The following NOTCH2 variants were observed in gnomAD, a reference collection of about 807,000 sequenced individuals.
The protein encoded by NOTCH2 is neurogenic locus notch homolog protein 2.
In NOTCH2, 29 loss-of-function variants were observed where a neutral mutation model predicts 235.8. The ratio of observed to expected loss-of-function variants is 0.12; its 90% CI spans 0.09 to 0.17. The LOEUF (loss-of-function observed/expected upper bound fraction) is 0.17. NOTCH2 is among the 10% of genes least tolerant of loss of function. NOTCH2 has a pLI of 1.00. For synonymous variants in NOTCH2, 1,086 were observed against 1,141.5 expected, an observed-to-expected ratio of 0.95 and a Z score of 0.98; for missense variants, 2,285 against 3,150.2, an observed-to-expected ratio of 0.73 and a Z score of 6.57.
chr1:119,931,366 G>A (rs2101173861), intron 22 of NOTCH2, among the ~76,000 whole-genome samples: 1 of 152,048 alleles, frequency 6.6e-6, no homozygotes, highest in South Asian at 2.1e-4. Flanking sequence ...GACATACCAG[G>A]ATTTGGTTAG....
intron 1 of NOTCH2, among the ~76,000 whole-genome samples, chr1:120,041,893 A>G (rs1654586094): frequency 7.1e-6 from 1 of 141,412 alleles, no homozygotes; most frequent in Non-Finnish European, 1.5e-5. Context: ...AAAAAAAGAA[A>G]AGAGAGAGAG....
intron 4 of NOTCH2, among the ~76,000 whole-genome samples, chr1:119,988,853 G>GCT (rs2101189109): frequency 6.6e-6 from 1 of 152,268 alleles, no homozygotes; most frequent in Non-Finnish European, 1.5e-5. Flanking sequence ...AGCCCTTGTA[G>GCT]CTCAACTATA....
intron 19 of NOTCH2, among the ~76,000 whole-genome samples, chr1:119,939,669 C>CAA (rs1235892356): frequency 6.6e-6 from 1 of 152,130 alleles, no homozygotes; most frequent in Non-Finnish European, 1.5e-5. Flanking sequence ...AGAGGAAGGC[C>CAA]AAATTCACAA....
chr1:119,920,405 G>A lies in NOTCH2; in HGVS notation c.5311-8C>T. The A allele has an allele frequency of 1.2e-6, 2 of 1,614,076 alleles. No individual in the cohort carries two copies. Among genetic ancestry groups the A allele is most frequent in the Non-Finnish European group, 1.7e-6 (2 of 1,180,010 alleles). On this transcript the variant is annotated splice_region_variant and splice_polypyrimidine_tract_variant and intron_variant, in intron 29 of 33. Coordinates refer to ENST00000256646, the MANE Select transcript of NOTCH2 (RefSeq NM_024408.4). ...TAAGGCCTCATCTTCAGCCTGAAAG[G>A]TGAAAACAATGCTCCCTATCAATCT...
chr1:119,935,648 C>G (rs2101182996), intron 21 of NOTCH2, 44 bp from the exon 22 acceptor site: 1 of 1,609,716 alleles, frequency 6.2e-7, no homozygotes, highest in African/African-American at 1.3e-5. Context: ...TGGACCATTA[C>G]TGGAAACAGA....
intron 21 of NOTCH2, 42 bp from the exon 22 acceptor site, chr1:119,935,646 T>G: frequency 6.2e-7 from 1 of 1,610,326 alleles, no homozygotes; most frequent in Non-Finnish European, 8.5e-7. Context: ...ATTGGACCAT[T>G]ACTGGAAACA....
intron 14 of NOTCH2, among the ~76,000 whole-genome samples, chr1:119,951,729 A>G (rs587722160): frequency 6.6e-6 from 1 of 152,364 alleles, no homozygotes; most frequent in African/African-American, 2.4e-5. Context: ...TGCATCTCCA[A>G]TAGGGCCTGG....
Position 119,915,743 on chromosome 1 carries a change from T to C in NOTCH2, c.6979A>G (p.Thr2327Ala), listed in dbSNP as rs587778578. ...GGGCCCGCAACAGCTGGAGGGCAGG[T>C]GGACTGAGGCTGGGGAGCCCCCGCT... is the stretch of plus-strand genomic sequence containing the variant. ...QPAGAPQPQS[T>A]CPPAVAGPLP... Residue 2327 changes from threonine (T) to alanine (A), a missense_variant, in exon 34 of 34, where the codon ACC becomes GCC. Physicochemically the swap from Thr to Ala is moderately conservative, Grantham distance 58. Around this residue, in one of 6 missense-constraint regions of NOTCH2, gnomAD observed 504 missense variants for 538.0 expected, o/e 0.94. Transcript: ENST00000256646. 5.7e-5 allele frequency: 91 copies of C among 1,607,574 alleles called. No individual in the cohort carries two copies. Among genetic ancestry groups the C allele is most frequent in the African/African-American group, 2.7e-5 (2 of 74,798 alleles).
chr1:119,913,988 A>C lies in NOTCH2; in HGVS notation c.*1318T>G, dbSNP rs963576762. On this transcript the variant is annotated 3_prime_UTR_variant, in exon 34 of 34. Transcript: ENST00000256646. ...ACTGGGTATACCAGTAACACGGACC[A>C]CACGGTGTGAAAGAAAGATTGGTGA... 8 of 232,986 alleles carry C rather than the reference A, an allele frequency of 3.4e-5. No individual in the cohort carries two copies. The highest frequency in any genetic ancestry group is 1.8e-4 in the African/African-American group (8 of 45,352). 14.4% of individuals were successfully genotyped at this position (232,986 alleles called of 1,614,324 possible). A position where few individuals can be genotyped will look rare whatever the true frequency, so the allele number is the denominator to read the frequency against.
intron 12 of NOTCH2, among the ~76,000 whole-genome samples, chr1:119,955,595 C>A (rs1650664287): frequency 6.6e-6 from 1 of 152,216 alleles, no homozygotes; most frequent in Non-Finnish European, 1.5e-5. Context: ...CTCAAAGAAG[C>A]ATTCATTAAC....
chr1:119,940,815 A>G, intron 18 of NOTCH2, 59 bp from the exon 19 acceptor site: 2 of 1,428,216 alleles, frequency 1.4e-6, no homozygotes, highest in Non-Finnish European at 2.0e-6. Context: ...TTACTACTAC[A>G]AAGTAAGATT....
rs781794190 is a variant in NOTCH2, at chr1:120,029,917, T to C, written c.144A>G (p.Thr48=). The C allele has an allele frequency of 3.1e-5, 21 of 681,196 alleles. No individual in the cohort carries two copies. The highest frequency in any genetic ancestry group is 3.7e-4 in the Middle Eastern group (1 of 2,722). 42.2% of individuals were successfully genotyped at this position (681,196 alleles called of 1,614,324 possible). The change falls in exon 2 of 34, where the codon ACA becomes ACG. Residue 48 remains threonine (T), a synonymous_variant. Transcript: ENST00000256646. ...EGMCVTYHNG[T]GYCKCPEGFL... is the part of the protein sequence containing the mutation. ...AGAGAAAAACTTACTTGCAGTATCCTGTGCCATTGTGGTAGGTAACACACA... is the reference window on the plus strand; with the variant it reads ...AGAGAAAAACTTACTTGCAGTATCCCGTGCCATTGTGGTAGGTAACACACA...
At chr1:119,946,132 G>T (rs1381203265) in intron 17 of NOTCH2, among the ~76,000 whole-genome samples, 2 of 152,008 alleles carry the variant, frequency 1.3e-5, no homozygotes, top group Non-Finnish European at 2.9e-5. Context: ...TATTACCAAA[G>T]CTCAATTAAA....
chr1:119,920,430 T>C, intron 29 of NOTCH2, 33 bp from the exon 30 acceptor site: 1 of 1,613,286 alleles, frequency 6.2e-7, no homozygotes, highest in Middle Eastern at 1.7e-4. Flanking sequence ...CCTATCAATC[T>C]GGCCACCACC....
In NOTCH2 at chr1:119,916,322, A is replaced by C; in HGVS notation, c.6400T>G (p.Ser2134Ala). The change falls in exon 34 of 34, where the codon TCT becomes GCT. Residue 2134 changes from serine (S) to alanine (A), a missense_variant. Transcript: ENST00000256646. ...GACAGTTGGACCTTCTCACTCAGAG[A>C]CTTCTTCCTCCTACTACCCTTGGCA... ...KDAKGSRRKKSLSEKVQLSES... is the reference protein window; with the variant it reads ...KDAKGSRRKKALSEKVQLSES... The C allele has an allele frequency of 6.2e-7, 1 of 1,614,132 alleles. No individual in the cohort carries two copies. Among genetic ancestry groups the C allele is most frequent in the South Asian group, 1.1e-5 (1 of 91,074 alleles).
At position 119,948,489 on chromosome 1, in the gene NOTCH2, C is replaced by T. The variant is rs782108690; in HGVS notation, c.2677G>A (p.Gly893Ser). 1.9e-6 allele frequency: 3 copies of T among 1,614,144 alleles called. No homozygotes were observed. The Admixed American group carries it at 5.0e-5, about 27-fold the overall frequency. Residue 893 changes from glycine to serine, a missense_variant, in exon 17 of 34, where the codon GGC becomes AGC. By Grantham distance (56) the Gly-to-Ser change is moderately conservative (BLOSUM62 0). Around this residue, in one of 6 missense-constraint regions of NOTCH2, gnomAD observed 1,173 missense variants for 1,515.3 expected, o/e 0.77. Coordinates refer to ENST00000256646, the MANE Select transcript of NOTCH2 (RefSeq NM_024408.4). Reference protein sequence around the residue: ...MNHGLCHNTQGSYMCECPPGF... With the variant: ...MNHGLCHNTQSSYMCECPPGF... ...GGTGGACATTCACACATGTAGCTGC[C>T]CTGGGTGTTATGGCAGAGACCATGG...
intron 12 of NOTCH2, among the ~76,000 whole-genome samples, chr1:119,957,681 G>T (rs1314784786): frequency 6.6e-6 from 1 of 151,954 alleles, no homozygotes; most frequent in Non-Finnish European, 1.5e-5. Flanking sequence ...TGCTTATAAG[G>T]TTTCATGCTA....
At position 119,948,570 on chromosome 1, in the gene NOTCH2, G is replaced by A; in HGVS notation, c.2600-4C>T. ...ATGTCAATGGTACACCGCTGACCTA[G>A]GAACACAGGGCCAATAAATGACCTA... On this transcript the variant is annotated splice_polypyrimidine_tract_variant and splice_region_variant and intron_variant, in intron 16 of 33. Transcript: ENST00000256646. The A allele has an allele frequency of 6.2e-7, 1 of 1,614,142 alleles. No individual in the cohort carries two copies. The highest frequency in any genetic ancestry group is 8.5e-7 in the Non-Finnish European group (1 of 1,180,024).
In NOTCH2 at chr1:119,921,731, G is replaced by A. The variant is rs1407815488; in HGVS notation, c.5292C>T (p.Pro1764=). The change falls in exon 29 of 34, where the codon CCC becomes CCT. Residue 1764 remains proline (P), a synonymous_variant. Transcript: ENST00000256646. ...TSEHWVDDEG[P]QPKKVKAEDE... ...ACCTCACCTTTACTTTCTTTGGCTG[G>A]GGCCCTTCATCATCGACCCAGTGTT... 1 of 1,613,938 alleles carries A rather than the reference G, an allele frequency of 6.2e-7. No homozygotes were observed. The highest frequency in any genetic ancestry group is 1.3e-5 in the African/African-American group (1 of 74,896).
Sources: allele counts gnomAD v4.1 joint callset (sites outside exome capture counted in the v4.1 genomes callset), GRCh38; gene constraint gnomAD v4.1.1; regional missense constraint gnomAD v4.1.1; transcripts MANE v1.5; gene names NCBI Gene and HGNC (gene_info 2026-07-23, HGNC 2026-07-21).